FARS2: variants seen among roughly 807,000 people sequenced by gnomAD.
FARS2 encodes the protein phenylalanyl-tRNA synthetase 2, mitochondrial, also known as phenylalanine--tRNA ligase, mitochondrial.
Under a neutral mutation model 46.4 loss-of-function variants are expected in FARS2, and 40 were observed. That is an observed-to-expected ratio of 0.86 (90% CI 0.67 to 1.12). FARS2 has a LOEUF of 1.12. Among genes scored for constraint, FARS2 ranks in the 50% most tolerant of loss-of-function variants. FARS2 has a pLI of 0.00. For synonymous variants in FARS2, 234 were observed against 214.9 expected (o/e 1.09, Z -0.78); for missense variants, 513 against 567.9 (o/e 0.90, Z 0.98).
At chr6:5,426,513 G>A (rs971537409) in intron 3 of FARS2, among the ~76,000 whole-genome samples, 1 of 152,088 alleles carries the variant, frequency 6.6e-6, no homozygotes, top group African/African-American at 2.4e-5. Context: ...TGAGATCATA[G>A]ATTGAAAAAC....
chr6:5,354,516 C>CT (rs529291216), intron 1 of FARS2, among the ~76,000 whole-genome samples: 9,682 of 139,948 alleles, frequency 0.069, 390 homozygotes, highest in Middle Eastern at 0.13. Context: ...TAGTGGTTTC[C>CT]TTTTTTTTTT....
At chr6:5,275,429 T>C (rs1766267674) in intron 1 of FARS2, among the ~76,000 whole-genome samples, 1 of 152,092 alleles carries the variant, frequency 6.6e-6, no homozygotes, top group African/African-American at 2.4e-5. Context: ...TAGATCTACA[T>C]AATAGAAGGT....
At chr6:5,525,927 C>G (rs1316646915) in intron 4 of FARS2, among the ~76,000 whole-genome samples, 2 of 152,210 alleles carry the variant, frequency 1.3e-5, no homozygotes, top group East Asian at 3.8e-4. Context: ...GCTACTGAAG[C>G]AAACTGAGGG....
At chr6:5,385,302 C>T (rs993452965) in intron 2 of FARS2, among the ~76,000 whole-genome samples, 1 of 152,154 alleles carries the variant, frequency 6.6e-6, no homozygotes, top group African/African-American at 2.4e-5. Context: ...AATCCTTCCT[C>T]CAAAGTGATT....
At chr6:5,350,826 G>A (rs546621317) in intron 1 of FARS2, among the ~76,000 whole-genome samples, 12 of 152,170 alleles carry the variant, frequency 7.9e-5, no homozygotes, top group Non-Finnish European at 1.8e-4. Context: ...AATTACAACT[G>A]CAGGTTAATC....
At chr6:5,573,532 G>C (rs1202596997) in intron 5 of FARS2, among the ~76,000 whole-genome samples, 2 of 152,188 alleles carry the variant, frequency 1.3e-5, no homozygotes, top group African/African-American at 4.8e-5. Flanking sequence ...CTTAGAGCTA[G>C]TGCGGGTGAA....
chr6:5,486,433 C>T (rs1390057505), intron 4 of FARS2, among the ~76,000 whole-genome samples: 1 of 152,092 alleles, frequency 6.6e-6, no homozygotes, highest in African/African-American at 2.4e-5. Context: ...TGAGTTCTCA[C>T]TCTGTGGTAA....
chr6:5,351,489 T>C (rs1429215995), intron 1 of FARS2, among the ~76,000 whole-genome samples: 2 of 152,188 alleles, frequency 1.3e-5, no homozygotes, highest in African/African-American at 4.8e-5. Context: ...TTTCTTGTAA[T>C]AGCTTATGGA....
intron 4 of FARS2, among the ~76,000 whole-genome samples, chr6:5,474,621 GCATAT>G (rs987572274): frequency 1.3e-5 from 2 of 150,664 alleles, no homozygotes; most frequent in Admixed American, 1.3e-4. Context: ...GTATATCTGA[GCATAT>G]CTAAACATAG....
intron 4 of FARS2, among the ~76,000 whole-genome samples, chr6:5,477,390 A>T (rs891866198): frequency 6.6e-6 from 1 of 152,162 alleles, no homozygotes; most frequent in Admixed American, 6.5e-5. Flanking sequence ...GCTTTCCTGA[A>T]ATACCACTTT....
chr6:5,469,695 C>A (rs17140536), intron 4 of FARS2, among the ~76,000 whole-genome samples: 2 of 152,142 alleles, frequency 1.3e-5, no homozygotes, highest in Non-Finnish European at 2.9e-5. Flanking sequence ...GAAAAATATG[C>A]GGTCATTGCT....
At chr6:5,654,950 C>G (rs1456909881) in intron 6 of FARS2, among the ~76,000 whole-genome samples, 1 of 151,894 alleles carries the variant, frequency 6.6e-6, no homozygotes, top group African/African-American at 2.4e-5. Flanking sequence ...TTCTTATTTT[C>G]TTAGTAACAT....
At chr6:5,713,273 A>G (rs1219884822) in intron 6 of FARS2, among the ~76,000 whole-genome samples, 5 of 152,230 alleles carry the variant, frequency 3.3e-5, no homozygotes, top group Non-Finnish European at 7.3e-5. Context: ...ATCAGTGTCA[A>G]TGTTGTATCT....
chr6:5,597,559 T>G (rs1774268007), intron 5 of FARS2, among the ~76,000 whole-genome samples: 1 of 152,200 alleles, frequency 6.6e-6, no homozygotes, highest in South Asian at 2.1e-4. Context: ...AGCCGGCCAT[T>G]TCTCCAGCAG....
At chr6:5,546,595 G>A (rs761608038) in intron 5 of FARS2, among the ~76,000 whole-genome samples, 1 of 151,832 alleles carries the variant, frequency 6.6e-6, no homozygotes, top group Non-Finnish European at 1.5e-5. Flanking sequence ...TCATTTTTCA[G>A]AATGAAGCTG....
intron 2 of FARS2, among the ~76,000 whole-genome samples, chr6:5,382,209 T>C (rs2503804): frequency 0.67 from 101,581 of 152,192 alleles, 34,545 homozygotes; most frequent in African/African-American, 0.79. Context: ...CATAAAGATT[T>C]TGAGTGAGAG....
chr6:5,531,776 G>C (rs1166401712), intron 4 of FARS2, among the ~76,000 whole-genome samples: 1 of 152,188 alleles, frequency 6.6e-6, no homozygotes, highest in Admixed American at 6.5e-5. Context: ...TTCAAGTATC[G>C]TGACTGGAAA....
intron 4 of FARS2, among the ~76,000 whole-genome samples, chr6:5,435,655 TC>T (rs1763478875): frequency 6.6e-6 from 1 of 152,124 alleles, no homozygotes; most frequent in African/African-American, 2.4e-5. Context: ...CACACTTGCC[TC>T]CCACTGGGTT....
At chr6:5,369,563 A>C (rs1758909908) in intron 2 of FARS2, among the ~76,000 whole-genome samples, 1 of 152,204 alleles carries the variant, frequency 6.6e-6, no homozygotes, top group African/African-American at 2.4e-5. Flanking sequence ...TAATTCTGTT[A>C]GGAGAAGTAA....
Sources: allele counts gnomAD v4.1 joint callset (sites outside exome capture counted in the v4.1 genomes callset), GRCh38; gene constraint gnomAD v4.1.1; transcripts MANE v1.5; gene names NCBI Gene and HGNC (gene_info 2026-07-23, HGNC 2026-07-21).